The following NCOA2 variants were observed in gnomAD, a reference collection of about 807,000 sequenced individuals.
NCOA2 encodes the protein nuclear receptor coactivator 2.
In NCOA2, 21 loss-of-function variants were observed where a neutral mutation model predicts 145.1. The ratio of observed to expected loss-of-function variants is 0.14; its 90% CI spans 0.10 to 0.21. The LOEUF is 0.21. NCOA2 is among the 10% of genes least tolerant of loss of function. NCOA2 has a pLI of 1.00. For synonymous variants in NCOA2, 619 were observed against 637.5 expected, an observed-to-expected ratio of 0.97 and a Z score of 0.44; for missense variants, 1,472 against 1,837.6, an observed-to-expected ratio of 0.80 and a Z score of 3.64.
chr8:70,216,874 G>A, intron 2 of NCOA2, 110 bp from the exon 3 acceptor site: 1 of 631,912 alleles, frequency 1.6e-6, no homozygotes, highest in South Asian at 1.7e-5. Context: ...AGAAATTTGA[G>A]ACCAGTAATT....
At chr8:70,144,994 C>A in intron 12 of NCOA2, 146 bp from the exon 13 acceptor site, 2 of 668,902 alleles carry the variant, frequency 3.0e-6, no homozygotes, top group South Asian at 1.9e-5. Context: ...AAATCACAGA[C>A]AAAAAACACA....
At chr8:70,372,884 GCTT>G (rs1811344996) in intron 1 of NCOA2, among the ~76,000 whole-genome samples, 1 of 152,200 alleles carries the variant, frequency 6.6e-6, no homozygotes, top group East Asian at 1.9e-4. Context: ...TATATGTCTG[GCTT>G]CTTTATTTAG....
At chr8:70,141,597 T>C (rs1399878512) in intron 13 of NCOA2, among the ~76,000 whole-genome samples, 198 bp from the exon 14 acceptor site, 1 of 152,228 alleles carries the variant, frequency 6.6e-6, no homozygotes, top group Admixed American at 6.5e-5. Context: ...TTTCATAACA[T>C]GGACCTGCCG....
chr8:70,398,389 G>T (rs1233865810), intron 1 of NCOA2, among the ~76,000 whole-genome samples: 5 of 152,094 alleles, frequency 3.3e-5, no homozygotes, highest in Non-Finnish European at 7.4e-5. Flanking sequence ...AGCCTAGGAG[G>T]TCAAGGCTAT....
At position 70,166,513 on chromosome 8, in the gene NCOA2, A is replaced by G. The variant is rs1465835646; in HGVS notation, c.730+53T>C. 16 of 1,577,094 alleles carry G rather than the reference A, an allele frequency of 1.0e-5. No individual in the cohort carries two copies. In the Admixed American group the frequency reaches 2.7e-4, roughly 26 times the overall value. On this transcript the variant is annotated intron_variant, in intron 7 of 22. Coordinates refer to ENST00000452400, the MANE Select transcript of NCOA2 (RefSeq NM_006540.4). ...CCACTAATTAAAGTGTGAAGGAAGT[A>G]GCACAGGAATAAATACACAGACACA... is the stretch of plus-strand genomic sequence containing the variant.
intron 1 of NCOA2, among the ~76,000 whole-genome samples, chr8:70,367,301 TTAAA>T (rs1213143570): frequency 6.6e-6 from 1 of 152,222 alleles, no homozygotes; most frequent in East Asian, 1.9e-4. Flanking sequence ...TGTTTTGAAA[TTAAA>T]TAAATTCAAA....
chr8:70,327,531 A>T (rs551419361), intron 1 of NCOA2, among the ~76,000 whole-genome samples: 2 of 152,318 alleles, frequency 1.3e-5, no homozygotes, highest in African/African-American at 4.8e-5. Context: ...TCTAAAAGTA[A>T]ATAGCAGTGG....
intron 2 of NCOA2, among the ~76,000 whole-genome samples, chr8:70,219,595 C>G (rs548723192): frequency 6.6e-6 from 1 of 151,898 alleles, no homozygotes; most frequent in Non-Finnish European, 1.5e-5. Flanking sequence ...TGAATCACTG[C>G]AAATCACCCA....
chr8:70,145,563 C>T (rs1810958486), intron 12 of NCOA2, among the ~76,000 whole-genome samples: 1 of 151,718 alleles, frequency 6.6e-6, no homozygotes, highest in African/African-American at 2.4e-5. Flanking sequence ...CCGTGTGACC[C>T]GCCTGCCTCG....
In NCOA2 at chr8:70,144,853, G is replaced by A. The variant is rs1260571475; in HGVS notation, c.2606-5C>T. 3.1e-6 allele frequency: 5 copies of A among 1,612,720 alleles called. No homozygotes were observed. Among genetic ancestry groups the A allele is most frequent in the Non-Finnish European group, 4.2e-6 (5 of 1,178,852 alleles). On this transcript the variant is annotated splice_region_variant and splice_polypyrimidine_tract_variant and intron_variant, in intron 12 of 22. Coordinates refer to ENST00000452400, the MANE Select transcript of NCOA2 (RefSeq NM_006540.4). Reference sequence around the variant, plus strand: ...CTGGTCGTGGGTTATTAAAAGCTAAGGAGAAAACAAATGAAAATTGAAGGT... The same window carrying A: ...CTGGTCGTGGGTTATTAAAAGCTAAAGAGAAAACAAATGAAAATTGAAGGT...
chr8:70,170,206 A>C lies in NCOA2; in HGVS notation c.537T>G (p.Ser179=). ...TEFVKNLLPK[S]IVNGGSWSGE... ...GGAGACCCAGCAGACATTTACCTATAGACTTTGGCAGCAGGTTTTTGACAA... is the reference window on the plus strand; with the variant it reads ...GGAGACCCAGCAGACATTTACCTATCGACTTTGGCAGCAGGTTTTTGACAA... The change falls in exon 6 of 23, where the codon TCT becomes TCG. Residue 179 remains serine, a synonymous_variant. Coordinates refer to ENST00000452400, the MANE Select transcript of NCOA2 (RefSeq NM_006540.4). 1 of 1,613,092 alleles carries C rather than the reference A, an allele frequency of 6.2e-7. No individual in the cohort carries two copies. The highest frequency in any genetic ancestry group is 8.5e-7 in the Non-Finnish European group (1 of 1,179,556).
chr8:70,311,405 ATAG>A (rs1805109873), intron 1 of NCOA2, among the ~76,000 whole-genome samples: 1 of 152,210 alleles, frequency 6.6e-6, no homozygotes, highest in African/African-American at 2.4e-5. Flanking sequence ...AGCACATTAC[ATAG>A]TAATTTGTCA....
chr8:70,388,331 T>C (rs1443668713), intron 1 of NCOA2, among the ~76,000 whole-genome samples: 1 of 152,216 alleles, frequency 6.6e-6, no homozygotes, highest in Non-Finnish European at 1.5e-5. Context: ...CATACTATAA[T>C]ATTTTCTGTC....
Position 70,148,539 on chromosome 8 carries a change from A to T in NCOA2, c.2395-56T>A, listed in dbSNP as rs543671357. ...GTCTACTCTAAGAGTAGACACCACAAGCCCATTTGCAATCACTGACCTAAC... is the reference window on the plus strand; with the variant it reads ...GTCTACTCTAAGAGTAGACACCACATGCCCATTTGCAATCACTGACCTAAC... On this transcript the variant is annotated intron_variant, in intron 11 of 22. Transcript: ENST00000452400. 8 of 1,538,922 alleles carry T rather than the reference A, an allele frequency of 5.2e-6. 1 individual carries two copies. The South Asian group carries it at 9.2e-5, about 18-fold the overall frequency.
At chr8:70,448,973 TA>T in the NCOA2 span, among the ~76,000 whole-genome samples, 4 of 152,096 alleles carry the variant, frequency 2.6e-5, no homozygotes, top group East Asian at 1.9e-4. Context: ...CTCAGCTGAT[TA>T]AAAAAAATTT....
At chr8:70,200,195 TCCATGGGGGTC>T (rs1339331439) in intron 4 of NCOA2, among the ~76,000 whole-genome samples, 2 of 152,176 alleles carry the variant, frequency 1.3e-5, no homozygotes, top group Admixed American at 1.3e-4. Flanking sequence ...GATTTTGGTA[TCCATGGGGGTC>T]CTGGAACCAA....
intron 2 of NCOA2, among the ~76,000 whole-genome samples, chr8:70,233,384 T>C (rs886244573): frequency 6.6e-6 from 1 of 152,194 alleles, no homozygotes; most frequent in African/African-American, 2.4e-5. Context: ...CTCACATCCA[T>C]TCAGGTCAGG....
At chr8:70,411,544 T>A in the NCOA2 span, among the ~76,000 whole-genome samples, 5 of 152,232 alleles carry the variant, frequency 3.3e-5, no homozygotes, top group Non-Finnish European at 7.3e-5. Context: ...GCATGTCTCC[T>A]GGGTGACCTA....
At chr8:70,365,999 A>G (rs958335161) in intron 1 of NCOA2, among the ~76,000 whole-genome samples, 1 of 152,226 alleles carries the variant, frequency 6.6e-6, no homozygotes, top group African/African-American at 2.4e-5. Context: ...AGAGATGAAC[A>G]TAATTATTAA....
Sources: gnomAD v4.1 joint callset for allele counts (sites outside exome capture counted in the v4.1 genomes callset) on GRCh38, gnomAD v4.1.1 for gene constraint, MANE v1.5 for transcripts, NCBI Gene and HGNC (gene_info 2026-07-23, HGNC 2026-07-21) for gene names.